The following KCNQ5 variants were observed in gnomAD, a reference collection of about 807,000 sequenced individuals.
The protein encoded by KCNQ5 is potassium voltage-gated channel subfamily Q member 5.
A neutral mutation model predicts 98.2 loss-of-function variants in KCNQ5; 30 were observed. That is an observed-to-expected ratio of 0.31 (90% CI 0.23 to 0.41). KCNQ5 has a LOEUF of 0.41. Ranked by LOEUF, KCNQ5 falls within the 10% of genes least tolerant of loss-of-function variation. The pLI, the probability that KCNQ5 is intolerant of heterozygous loss-of-function variation, is 1.00. For synonymous variants in KCNQ5, 458 were observed against 449.4 expected (o/e 1.02, Z -0.24); for missense variants, 835 against 1,182.5 (o/e 0.71, Z 4.31).
At position 73,197,257 on chromosome 6, in the gene KCNQ5, A is replaced by C. The variant is rs1246828533; in HGVS notation, c.*1843A>C. The C allele has an allele frequency of 6.6e-6, 1 of 152,192 alleles. No individual in the cohort carries two copies. Among genetic ancestry groups the C allele is most frequent in the East Asian group, 1.9e-4 (1 of 5,192 alleles). 9.4% of individuals were successfully genotyped at this position (152,192 alleles called of 1,614,324 possible). On this transcript the variant is annotated 3_prime_UTR_variant, in exon 14 of 14. Transcript: ENST00000370398. ...CAGGCCTTAACCAGCCTCCATCCCC[A>C]GGTCAACCAGTTCTCCGCTTTACCT...
chr6:73,152,079 G>A lies in KCNQ5; in HGVS notation c.1469-17667G>A, dbSNP rs368645186. 9.9e-5 allele frequency among the ~76,000 whole-genome samples: 15 copies of A among 152,040 alleles called. No individual in the cohort carries two copies. The East Asian group carries it at 1.4e-3, about 14-fold the overall frequency. On this transcript the variant is annotated intron_variant, in intron 10 of 13. Coordinates refer to ENST00000370398, the MANE Select transcript of KCNQ5 (RefSeq NM_019842.4). ...TGTGGCTGTGTCTCCCACTCTCTTC[G>A]TTTACTTTGCCATTTTGATGAAGTA...
intron 1 of KCNQ5, among the ~76,000 whole-genome samples, chr6:72,846,682 A>C (rs746857731): frequency 6.6e-6 from 1 of 152,126 alleles, no homozygotes; most frequent in Non-Finnish European, 1.5e-5. Context: ...CTTTCTAAAA[A>C]AAGGACTGCC....
In KCNQ5 at chr6:72,753,357, AT is replaced by A. The variant is rs151095947; in HGVS notation, c.398+130772del. On this transcript the variant is annotated intron_variant, in intron 1 of 13. Coordinates refer to ENST00000370398, the MANE Select transcript of KCNQ5 (RefSeq NM_019842.4). ...AAAAGGATAATTTGTTTATTCTTTC[AT>A]TAATTGTTGGATATTTGGTTTGGTG... 4.3e-3 allele frequency among the ~76,000 whole-genome samples: 651 copies of A among 152,168 alleles called. 7 individuals carry two copies. The highest frequency in any genetic ancestry group is 0.015 in the African/African-American group (609 of 41,556).
intron 3 of KCNQ5, among the ~76,000 whole-genome samples, chr6:73,051,601 C>G (rs1357777409): frequency 6.6e-6 from 1 of 151,572 alleles, no homozygotes; most frequent in African/African-American, 2.4e-5. Flanking sequence ...CCCAAAAGTT[C>G]TGAGCTGAGC....
At chr6:73,097,415 C>T (rs1252337574) in intron 5 of KCNQ5, among the ~76,000 whole-genome samples, 4 of 152,042 alleles carry the variant, frequency 2.6e-5, no homozygotes, top group Non-Finnish European at 5.9e-5. Flanking sequence ...AAATCCTCAA[C>T]AAATTAGGTA....
At chr6:73,148,520 G>C (rs1777011285) in intron 10 of KCNQ5, among the ~76,000 whole-genome samples, 1 of 152,170 alleles carries the variant, frequency 6.6e-6, no homozygotes, top group Admixed American at 6.5e-5. Flanking sequence ...GTACTGGTTA[G>C]CATATTTGGT....
chr6:72,674,936 C>T (rs1378708865), intron 1 of KCNQ5, among the ~76,000 whole-genome samples: 1 of 152,038 alleles, frequency 6.6e-6, no homozygotes, highest in Non-Finnish European at 1.5e-5. Flanking sequence ...GTGTGTGGGC[C>T]TAACTGCATG....
intron 1 of KCNQ5, among the ~76,000 whole-genome samples, chr6:72,913,872 G>C (rs1780035908): frequency 6.6e-6 from 1 of 152,224 alleles, no homozygotes; most frequent in South Asian, 2.1e-4. Context: ...AGAGTGGACA[G>C]TCCTGAGAAA....
At chr6:73,000,042 G>A (rs542236549) in intron 1 of KCNQ5, among the ~76,000 whole-genome samples, 29 of 152,082 alleles carry the variant, frequency 1.9e-4, no homozygotes, top group African/African-American at 6.3e-4. Context: ...TCTACATTAG[G>A]ATAGCCTGAG....
intron 1 of KCNQ5, among the ~76,000 whole-genome samples, chr6:72,861,084 C>T (rs867057888): frequency 6.9e-6 from 1 of 145,536 alleles, no homozygotes; most frequent in Non-Finnish European, 1.5e-5. Context: ...ATCCAGTCCT[C>T]TAAAATATTC....
intron 1 of KCNQ5, among the ~76,000 whole-genome samples, chr6:72,704,924 G>T (rs183843450): frequency 7.9e-5 from 12 of 152,226 alleles, no homozygotes; most frequent in Non-Finnish European, 8.8e-5. Context: ...CAGAAATGTG[G>T]AGGCACACCA....
intron 1 of KCNQ5, among the ~76,000 whole-genome samples, chr6:72,765,558 T>C (rs1772525189): frequency 6.6e-6 from 1 of 151,844 alleles, no homozygotes; most frequent in Non-Finnish European, 1.5e-5. Context: ...CCAGATATTA[T>C]CAAAAAAGGT....
In KCNQ5 at chr6:72,831,738, A is replaced by T. The variant is rs190330902; in HGVS notation, c.399-172170A>T. On this transcript the variant is annotated intron_variant, in intron 1 of 13. Transcript: ENST00000370398. ...GAACTTAAAGTATAATTTAAAAAAAAAATAAAATAAAATTAACAGAAAAAA... is the reference window on the plus strand; with the variant it reads ...GAACTTAAAGTATAATTTAAAAAAATAATAAAATAAAATTAACAGAAAAAA... 7.5e-3 allele frequency among the ~76,000 whole-genome samples: 985 copies of T among 130,732 alleles called. 8 individuals are homozygous for T. The highest frequency in any genetic ancestry group is 0.024 in the African/African-American group (918 of 38,766). 85.8% of individuals were successfully genotyped at this position (130,732 alleles called of 152,430 possible).
intron 1 of KCNQ5, among the ~76,000 whole-genome samples, chr6:72,835,206 T>C (rs2150127444): frequency 6.6e-6 from 1 of 152,258 alleles, no homozygotes; most frequent in Non-Finnish European, 1.5e-5. Context: ...GCTCGTATAT[T>C]AAAGTGGTCT....
chr6:73,055,324 G>A, intron 3 of KCNQ5: 1 of 1,415,384 alleles, frequency 7.1e-7, no homozygotes. Flanking sequence ...AGATGTAGCT[G>A]CCAATAGTGA....
Position 73,020,519 on chromosome 6 carries a change from C to G in KCNQ5, c.489+16521C>G, listed in dbSNP as rs9446823. 2.6e-5 allele frequency among the ~76,000 whole-genome samples: 4 copies of G among 152,152 alleles called. No individual in the cohort carries two copies. In the East Asian group the frequency reaches 7.7e-4, roughly 29 times the overall value. On this transcript the variant is annotated intron_variant, in intron 2 of 13. Transcript: ENST00000370398. ...ATACAGAAATTCTTCAAACCTTGTC[C>G]TTTTTTATTTTTATGGAGGGTGCTT...
chr6:72,862,795 G>T (rs1006730504), intron 1 of KCNQ5, among the ~76,000 whole-genome samples: 2 of 151,834 alleles, frequency 1.3e-5, no homozygotes, highest in South Asian at 4.2e-4. Flanking sequence ...GCCTGGCTAA[G>T]TTTTTAATTT....
chr6:72,747,258 C>T (rs1771452518), intron 1 of KCNQ5, among the ~76,000 whole-genome samples: 1 of 152,128 alleles, frequency 6.6e-6, no homozygotes, highest in African/African-American at 2.4e-5. Flanking sequence ...CTTAGCACTT[C>T]TTCAGAATTA....
rs893803002 is a variant in KCNQ5 at position 72,742,390 on chromosome 6, T to C, written c.398+119803T>C. 5.3e-5 allele frequency among the ~76,000 whole-genome samples: 8 copies of C among 152,318 alleles called. No homozygotes were observed. The South Asian group carries it at 8.3e-4, about 16-fold the overall frequency. On this transcript the variant is annotated intron_variant, in intron 1 of 13. Transcript: ENST00000370398. The stretch of plus-strand genomic sequence containing the variant: ...CAAAGTTCATAAGGGTTGCAAAAGT[T>C]CTACTTGATCTGCTCACATATACAA...
Sources: allele counts gnomAD v4.1 joint callset (sites outside exome capture counted in the v4.1 genomes callset), GRCh38; gene constraint gnomAD v4.1.1; transcripts MANE v1.5; gene names NCBI Gene and HGNC (gene_info 2026-07-23, HGNC 2026-07-21).